Variants in POLI observed in about 807,000 individuals in gnomAD.
POLI encodes RAD30 homolog B.
In POLI, 58 loss-of-function variants were observed where a neutral mutation model predicts 51.6. The ratio of observed to expected loss-of-function variants is 1.12; its 90% confidence interval spans 0.91 to 1.40. POLI has a LOEUF of 1.40. POLI is among the 40% of genes most tolerant of loss of function. The pLI is 0.00. For missense variants in POLI, 921 were observed against 871.3 expected, an observed-to-expected ratio of 1.06 and a Z score of -0.72; for synonymous variants, 322 against 299.7, an observed-to-expected ratio of 1.07 and a Z score of -0.77.
At chr18:54,307,553 A>G (rs1359188517) in intron 3 of POLI, among the ~76,000 whole-genome samples, 1 of 152,156 alleles carries the variant, frequency 6.6e-6, no homozygotes, top group Non-Finnish European at 1.5e-5. Context: ...AGAAGAATGT[A>G]TATTCTGTTG....
At chr18:54,309,233 G>C (rs2088634206) in intron 3 of POLI, among the ~76,000 whole-genome samples, 1 of 152,148 alleles carries the variant, frequency 6.6e-6, no homozygotes, top group South Asian at 2.1e-4. Flanking sequence ...ATCTACCTTT[G>C]GTCTTTGATA....
Position 54,287,409 on chromosome 18 carries a change from C to A in POLI, c.1196C>A (p.Thr399Lys). 6.2e-7 allele frequency: 1 copy of A among 1,606,730 alleles called. No individual in the cohort carries two copies. Among genetic ancestry groups the A allele is most frequent in the South Asian group, 1.1e-5 (1 of 89,828 alleles). Residue 399 changes from threonine to lysine, a missense_variant and splice_region_variant, in exon 8 of 10, where the codon ACA (threonine) becomes AAA (lysine). Coordinates refer to ENST00000579534, the MANE Select transcript of POLI (RefSeq NM_007195.3). ...TCACATGTAATTCAGAAATTAGGGACAGGTATGGACTAGTTTTCCAACAGT... is the reference window on the plus strand; with the variant it reads ...TCACATGTAATTCAGAAATTAGGGAAAGGTATGGACTAGTTTTCCAACAGT... The part of the protein sequence containing the change: ...IPSHVIQKLG[T>K]GNYDVMTPMV...
rs1555673456 is a variant in POLI at position 54,283,945 on chromosome 18, T to TA, written c.1005dup (p.Cys336MetfsTer4). 7.1e-7 allele frequency: 1 copy of TA among 1,406,194 alleles called. No individual in the cohort carries two copies. The highest frequency in any genetic ancestry group is 1.0e-6 in the Non-Finnish European group (1 of 1,000,638). The allele number at this position is 1,406,194 out of a possible 1,614,324, so 87.1% of individuals were successfully genotyped here. ...AGTCCTTTAGTGAAGAAGATTCATT[T>TA]AAAAAATGTTCATCTGAAGTTGAAG... On this transcript the variant is annotated frameshift_variant, in exon 7 of 10. Coordinates refer to ENST00000579534, the MANE Select transcript of POLI (RefSeq NM_007195.3). LOFTEE classifies it high-confidence loss of function.
chr18:54,286,029 G>C (rs1026841916), intron 7 of POLI, among the ~76,000 whole-genome samples: 3 of 151,814 alleles, frequency 2.0e-5, no homozygotes, highest in Non-Finnish European at 2.9e-5. Flanking sequence ...ATCAAGCCTA[G>C]CTAATTTTTA....
Position 54,282,922 on chromosome 18 carries a change from A to C in POLI, c.882A>C (p.Leu294Phe). Residue 294 changes from leucine (L) to phenylalanine (F), a missense_variant, in exon 6 of 10, where the codon TTA (leucine) becomes TTC (phenylalanine). Leu to Phe is a conservative substitution (Grantham distance 22). Coordinates refer to ENST00000579534, the MANE Select transcript of POLI (RefSeq NM_007195.3). ...RDLQTFSPKILEKELGISVAQ... is the reference protein window; with the variant it reads ...RDLQTFSPKIFEKELGISVAQ... ...TCCAAACCTTTTCACCCAAAATTTT[A>C]GAAAAAGAATTAGGAATTTCAGTTG... is the stretch of plus-strand genomic sequence containing the variant. 1 of 1,602,200 alleles carries C rather than the reference A, an allele frequency of 6.2e-7. No individual in the cohort carries two copies. Among genetic ancestry groups the C allele is most frequent in the Non-Finnish European group, 8.5e-7 (1 of 1,173,660 alleles).
chr18:54,271,259 C>T (rs2086990801), intron 1 of POLI, 101 bp from the exon 2 acceptor site: 5 of 997,960 alleles, frequency 5.0e-6, no homozygotes, highest in Non-Finnish European at 7.3e-6. Context: ...ACACGTCACT[C>T]TGCATTCTTC....
In POLI at chr18:54,294,262, C is replaced by CA; in HGVS notation, c.2018_2019insA (p.Thr674TyrfsTer3). On this transcript the variant is annotated frameshift_variant, in exon 10 of 10. Transcript: ENST00000579534. LOFTEE classifies it high-confidence loss of function. ...GAGCAACTTTTCTCCAGAAACCACA[C>CA]TACAGATAGCCATAAGCAAACAGTA... 1 of 1,613,720 alleles carries CA rather than the reference C, an allele frequency of 6.2e-7. No individual in the cohort carries two copies. Among genetic ancestry groups the CA allele is most frequent in the Non-Finnish European group, 8.5e-7 (1 of 1,179,704 alleles).
chr18:54,306,191 G>A (rs9947208), intron 3 of POLI, among the ~76,000 whole-genome samples: 18,342 of 152,188 alleles, frequency 0.12, 3,610 homozygotes, highest in African/African-American at 0.41. Context: ...TGCCCATTCA[G>A]TATGATATTG....
chr18:54,299,393 C>T (rs1383126997), downstream of POLI, among the ~76,000 whole-genome samples: 1 of 152,144 alleles, frequency 6.6e-6, no homozygotes, highest in Non-Finnish European at 1.5e-5. Context: ...CAAGATCCCA[C>T]CATTGCACTC....
chr18:54,291,982 G>T lies in POLI; in HGVS notation c.1348G>T (p.Asp450Tyr). 1 of 1,611,450 alleles carries T rather than the reference G, an allele frequency of 6.2e-7. No individual in the cohort carries two copies. Among genetic ancestry groups the T allele is most frequent in the South Asian group, 1.1e-5 (1 of 90,930 alleles). ...ALNTAKKGLI[D>Y]YYLMPSLSTT... Reference sequence around the variant, plus strand: ...AAATACTGCTAAGAAAGGGCTTATTGATTATTATTTAATGCCATCATTATC... The same window carrying T: ...AAATACTGCTAAGAAAGGGCTTATTTATTATTATTTAATGCCATCATTATC... Residue 450 changes from aspartate (D) to tyrosine (Y), a missense_variant, in exon 9 of 10, where the codon GAT (aspartate) becomes TAT (tyrosine). Coordinates refer to ENST00000579534, the MANE Select transcript of POLI (RefSeq NM_007195.3).
intron 3 of POLI, among the ~76,000 whole-genome samples, chr18:54,309,296 G>C (rs1189356091): frequency 6.6e-6 from 1 of 152,142 alleles, no homozygotes; most frequent in Non-Finnish European, 1.5e-5. Context: ...GTTGATGTTG[G>C]TGCTATTCCT....
intron 7 of POLI, among the ~76,000 whole-genome samples, chr18:54,284,984 G>A (rs2087682825): frequency 1.3e-5 from 2 of 152,172 alleles, no homozygotes; most frequent in South Asian, 4.1e-4. Flanking sequence ...TAGAGTAGGT[G>A]TGCTTCTCTA....
intron 2 of POLI, chr18:54,272,119 C>T (rs1300924492): frequency 1.3e-5 from 2 of 152,088 alleles, no homozygotes; most frequent in East Asian, 1.9e-4. Flanking sequence ...TTAGTGTAAG[C>T]ATAAAGAACA....
intron 7 of POLI, among the ~76,000 whole-genome samples, chr18:54,286,466 T>G (rs1442818827): frequency 6.6e-6 from 1 of 152,144 alleles, no homozygotes; most frequent in African/African-American, 2.4e-5. Context: ...ATTGCTCTAA[T>G]AAGCTATCAT....
Position 54,295,174 on chromosome 18 carries a change from C to T in POLI, c.*707C>T. Reference sequence around the variant, plus strand: ...GCAAGTAAATTAAGGGAAAGATGGACACCAGAAAGGCAAGGTGATGGGCCT... The same window carrying T: ...GCAAGTAAATTAAGGGAAAGATGGATACCAGAAAGGCAAGGTGATGGGCCT... On this transcript the variant is annotated 3_prime_UTR_variant, in exon 10 of 10. Coordinates refer to ENST00000579534, the MANE Select transcript of POLI (RefSeq NM_007195.3). 1 of 982,642 alleles carries T rather than the reference C, an allele frequency of 1.0e-6. No individual in the cohort carries two copies. 60.9% of individuals were successfully genotyped at this position (982,642 alleles called of 1,614,324 possible).
intron 3 of POLI, among the ~76,000 whole-genome samples, chr18:54,305,960 G>C (rs2088578037): frequency 6.6e-6 from 1 of 152,038 alleles, no homozygotes; most frequent in Non-Finnish European, 1.5e-5. Context: ...GGGTTTCACT[G>C]TGTTACTCAG....
intron 4 of POLI, 47 bp downstream of exon 4, chr18:54,277,902 A>C: frequency 7.2e-7 from 1 of 1,387,766 alleles, no homozygotes; most frequent in Non-Finnish European, 1.0e-6. Context: ...AAGTACATAC[A>C]TTTCTTAATG....
At position 54,297,906 on chromosome 18, in the gene POLI, A is replaced by T; in HGVS notation, c.*3439A>T. The T allele has an allele frequency of 4.1e-6, 4 of 982,380 alleles. No homozygotes were observed. The highest frequency in any genetic ancestry group is 4.8e-6 in the Non-Finnish European group (4 of 827,258). The allele number at this position is 982,380 out of a possible 1,614,324, so 60.9% of individuals were successfully genotyped here. A position where few individuals can be genotyped will look rare whatever the true frequency, so the allele number is the denominator to read the frequency against. Reference sequence around the variant, plus strand: ...TTCTTGTGTGTCAGATGTTCCTTCTAGGTAGAATTCTTTATACCTTCTGAA... The same window carrying T: ...TTCTTGTGTGTCAGATGTTCCTTCTTGGTAGAATTCTTTATACCTTCTGAA... On this transcript the variant is annotated 3_prime_UTR_variant, in exon 10 of 10. Coordinates refer to ENST00000579534, the MANE Select transcript of POLI (RefSeq NM_007195.3).
chr18:54,287,684 A>G (rs948097822), intron 8 of POLI: 15 of 225,906 alleles, frequency 6.6e-5, no homozygotes, highest in African/African-American at 9.2e-5. Flanking sequence ...GGCTCAAACA[A>G]TTCTTCTGCC....
Sources: allele counts gnomAD v4.1 joint callset (sites outside exome capture counted in the v4.1 genomes callset), GRCh38; gene constraint gnomAD v4.1.1; transcripts MANE v1.5; gene names NCBI Gene and HGNC (gene_info 2026-07-23, HGNC 2026-07-21).